Variants in SH3GL3 observed in about 807,000 individuals in gnomAD.
The protein encoded by SH3GL3 is endophilin-A3.
A neutral mutation model predicts 47.7 loss-of-function variants in SH3GL3; 33 were observed. That is an observed-to-expected ratio of 0.69 (90% CI 0.52 to 0.92). SH3GL3 has a LOEUF of 0.92. SH3GL3 is among the 40% of genes least tolerant of loss of function. The pLI, the probability that SH3GL3 is intolerant of heterozygous loss-of-function variation, is 0.00. For missense variants in SH3GL3, 363 were observed against 417.8 expected, an observed-to-expected ratio of 0.87 and a Z score of 1.14; for synonymous variants, 155 against 148.8, an observed-to-expected ratio of 1.04 and a Z score of -0.30.
At chr15:83,542,102 G>T (rs536206391) in intron 1 of SH3GL3, among the ~76,000 whole-genome samples, 1 of 152,280 alleles carries the variant, frequency 6.6e-6, no homozygotes, top group South Asian at 2.1e-4. Flanking sequence ...ACGGTTTGAG[G>T]TCTTAGATTT....
chr15:83,537,939 A>T (rs2043990460), intron 1 of SH3GL3, among the ~76,000 whole-genome samples: 1 of 152,188 alleles, frequency 6.6e-6, no homozygotes, highest in South Asian at 2.1e-4. Context: ...TACACAGAGA[A>T]GATGTGTGTA....
the SH3GL3 span, among the ~76,000 whole-genome samples, chr15:83,633,506 G>C: frequency 6.6e-6 from 1 of 152,100 alleles, no homozygotes; most frequent in Middle Eastern, 3.2e-3. Flanking sequence ...TGCCTCTAGA[G>C]ACAAGAGTTA....
At chr15:83,502,079 A>G (rs1307666903) in intron 1 of SH3GL3, among the ~76,000 whole-genome samples, 1 of 152,270 alleles carries the variant, frequency 6.6e-6, no homozygotes. Context: ...AGTTTTAATC[A>G]GAAGAATAGT....
chr15:83,596,537 G>A (rs971876344), intron 8 of SH3GL3, among the ~76,000 whole-genome samples: 6 of 152,154 alleles, frequency 3.9e-5, no homozygotes, highest in African/African-American at 1.4e-4. Context: ...CAGAAGTATG[G>A]GAAGTTGGCT....
In SH3GL3 at chr15:83,472,326, C is replaced by T. The variant is rs181459283; in HGVS notation, c.45+24748C>T. Among the ~76,000 whole-genome samples, 60 of 152,268 alleles carry T rather than the reference C, an allele frequency of 3.9e-4. 1 individual carries two copies. Among genetic ancestry groups the T allele is most frequent in the South Asian group, 2.9e-3 (14 of 4,826 alleles). On this transcript the variant is annotated intron_variant, in intron 1 of 8. Transcript: ENST00000427482. ...CTTCTTTTCCCTTCTCTTATTGGAA[C>T]GCTGATGACATGAATGTTAGGTCCT...
chr15:83,609,637 T>C (rs576217653), intron 8 of SH3GL3, among the ~76,000 whole-genome samples: 1 of 152,250 alleles, frequency 6.6e-6, no homozygotes, highest in Admixed American at 6.5e-5. Context: ...TTCCAGGTCA[T>C]GAAGTTCCCA....
chr15:83,582,708 T>C (rs1356682341), intron 6 of SH3GL3, among the ~76,000 whole-genome samples: 1 of 152,224 alleles, frequency 6.6e-6, no homozygotes. Context: ...ATTGAACTTG[T>C]AGAAAGCATA....
chr15:83,525,853 G>A (rs890787283), intron 1 of SH3GL3, among the ~76,000 whole-genome samples: 1 of 152,090 alleles, frequency 6.6e-6, no homozygotes, highest in Non-Finnish European at 1.5e-5. Flanking sequence ...TTATTTCTGG[G>A]TTCTCTATTC....
chr15:83,591,389 T>C (rs1206660348), intron 8 of SH3GL3, among the ~76,000 whole-genome samples: 1 of 152,164 alleles, frequency 6.6e-6, no homozygotes, highest in Admixed American at 6.5e-5. Context: ...TGCCTATGGA[T>C]GTCCAATTGC....
intron 1 of SH3GL3, among the ~76,000 whole-genome samples, chr15:83,507,898 G>A (rs2042579452): frequency 6.6e-6 from 1 of 152,032 alleles, no homozygotes; most frequent in South Asian, 2.1e-4. Flanking sequence ...GGTTCTAGAG[G>A]TGGGATATGG....
intron 6 of SH3GL3, among the ~76,000 whole-genome samples, chr15:83,581,320 A>G (rs1415140578): frequency 6.6e-6 from 1 of 152,174 alleles, no homozygotes; most frequent in Non-Finnish European, 1.5e-5. Context: ...CATTCTCCCA[A>G]CTGAGAAACA....
intron 6 of SH3GL3, among the ~76,000 whole-genome samples, chr15:83,584,111 G>A (rs1392944213): frequency 6.6e-6 from 1 of 152,146 alleles, no homozygotes; most frequent in Non-Finnish European, 1.5e-5. Context: ...TGTTTGTTCT[G>A]GAGGCTCTTG....
chr15:83,559,170 T>A (rs995263867), intron 1 of SH3GL3, 83 bp from the exon 2 acceptor site: 2 of 814,844 alleles, frequency 2.5e-6, no homozygotes, highest in African/African-American at 3.5e-5. Flanking sequence ...CCAAGTTTTT[T>A]TGTTTCTGTT....
intron 1 of SH3GL3, among the ~76,000 whole-genome samples, chr15:83,521,220 C>T (rs950453943): frequency 1.3e-5 from 2 of 152,216 alleles, no homozygotes; most frequent in African/African-American, 2.4e-5. Flanking sequence ...GAAAACAAAC[C>T]GTAGAGCAAA....
At chr15:83,518,933 T>C (rs903639876) in intron 1 of SH3GL3, among the ~76,000 whole-genome samples, 3 of 152,120 alleles carry the variant, frequency 2.0e-5, no homozygotes, top group Non-Finnish European at 4.4e-5. Flanking sequence ...TGGAAGGTGG[T>C]GGTCCAGTTT....
intron 5 of SH3GL3, among the ~76,000 whole-genome samples, chr15:83,574,174 G>A (rs2059609264): frequency 6.6e-6 from 1 of 152,168 alleles, no homozygotes; most frequent in Admixed American, 6.5e-5. Flanking sequence ...AGGAAAGGCT[G>A]AGAGTCACGG....
At chr15:83,499,432 C>A (rs1343921391) in intron 1 of SH3GL3, among the ~76,000 whole-genome samples, 2 of 148,096 alleles carry the variant, frequency 1.4e-5, no homozygotes, top group Non-Finnish European at 3.0e-5. Context: ...TATCTTTGAA[C>A]AGTGTTTAAT....
chr15:83,572,185 C>A (rs538207654), intron 4 of SH3GL3, among the ~76,000 whole-genome samples: 3 of 152,326 alleles, frequency 2.0e-5, no homozygotes, highest in African/African-American at 7.2e-5. Context: ...CACTTAGCCC[C>A]ATGAGTGAAT....
At chr15:83,539,488 A>G (rs1378419640) in intron 1 of SH3GL3, among the ~76,000 whole-genome samples, 2 of 152,192 alleles carry the variant, frequency 1.3e-5, no homozygotes, top group Non-Finnish European at 2.9e-5. Flanking sequence ...CAATTTATGA[A>G]TTTTGAGGGG....
Sources: gnomAD v4.1 joint callset for allele counts (sites outside exome capture counted in the v4.1 genomes callset) on GRCh38, gnomAD v4.1.1 for gene constraint, MANE v1.5 for transcripts, NCBI Gene and HGNC (gene_info 2026-07-23, HGNC 2026-07-21) for gene names.